The following RYR2 variants were observed in gnomAD, a reference collection of about 807,000 sequenced individuals.
The protein encoded by RYR2 is ryanodine receptor 2.
RYR2 carries 227 observed loss-of-function variants against 601.1 expected under a neutral mutation model. The observed-to-expected ratio is 0.38, with a 90% CI of 0.34 to 0.42. RYR2 has a LOEUF of 0.42. Ranked by LOEUF, RYR2 falls within the 10% of genes least tolerant of loss-of-function variation. The probability of loss-of-function intolerance (pLI) is 1.00; values close to 1 mark genes in which losing one functional copy is unlikely to be tolerated. For synonymous variants in RYR2, 2,223 were observed against 2,175.1 expected (o/e 1.02, Z -0.61); for missense variants, 4,646 against 6,156.5 (o/e 0.75, Z 8.21).
In RYR2 at chr1:237,593,558, A is replaced by G. The variant is rs1675472314; in HGVS notation, c.4358A>G (p.Tyr1453Cys). The G allele has an allele frequency of 6.2e-7, 1 of 1,613,864 alleles. No individual in the cohort carries two copies. The highest frequency in any genetic ancestry group is 1.3e-5 in the African/African-American group (1 of 74,948). Residue 1453 changes from tyrosine to cysteine, a missense_variant, in exon 33 of 105, where the codon TAT becomes TGT. By Grantham distance (194) the Tyr-to-Cys change is radical (BLOSUM62 -2). Transcript: ENST00000366574. ...VGWITSDFHQ[Y>C]DTGFDLDRVR... ...TGGATTACATCAGATTTCCATCAGT[A>G]TGACACAGGCTTTGACTTGGACAGA...
intron 1 of RYR2, among the ~76,000 whole-genome samples, chr1:237,203,061 C>A (rs1162056254): frequency 6.6e-6 from 1 of 152,130 alleles, no homozygotes; most frequent in African/African-American, 2.4e-5. Flanking sequence ...GCGGATGGAG[C>A]CTGAACCCAC....
intron 2 of RYR2, among the ~76,000 whole-genome samples, chr1:237,312,700 A>T (rs1278682968): frequency 6.6e-6 from 1 of 152,212 alleles, no homozygotes. Flanking sequence ...TTTCCTAATC[A>T]AATAAAGAGC....
chr1:237,453,164 A>G (rs1373288878), intron 14 of RYR2, among the ~76,000 whole-genome samples: 1 of 152,046 alleles, frequency 6.6e-6, no homozygotes, highest in Non-Finnish European at 1.5e-5. Context: ...GGGAAAAATA[A>G]TTTTCTACTG....
intron 17 of RYR2, among the ~76,000 whole-genome samples, chr1:237,489,475 G>T (rs1056525735): frequency 2.0e-5 from 3 of 152,132 alleles, no homozygotes; most frequent in African/African-American, 4.8e-5. Context: ...TGGCCAACAT[G>T]GTGAAACCCC....
At chr1:237,604,068 G>A (rs187412254) in intron 35 of RYR2, among the ~76,000 whole-genome samples, 70 of 152,086 alleles carry the variant, frequency 4.6e-4, no homozygotes, top group Middle Eastern at 3.4e-3. Context: ...TGCACCAAGC[G>A]GACCTAATAG....
chr1:237,572,569 C>G (rs1672812859), intron 29 of RYR2, among the ~76,000 whole-genome samples: 1 of 152,140 alleles, frequency 6.6e-6, no homozygotes, highest in African/African-American at 2.4e-5. Context: ...AATTTAAAAA[C>G]TGACTTGAAC....
Position 237,718,629 on chromosome 1 carries a change from A to C in RYR2, c.10554+108A>C, listed in dbSNP as rs896109503. ...TACTTTAAACATTAAGGTAATAGAC[A>C]TATTTTAATTAGTCATTATCCTACT... is the stretch of plus-strand genomic sequence containing the variant. On this transcript the variant is annotated intron_variant, in intron 73 of 104. Transcript: ENST00000366574. 3.0e-5 allele frequency: 15 copies of C among 494,350 alleles called. No homozygotes were observed. The Middle Eastern group carries it at 2.1e-3, about 70-fold the overall frequency. 30.6% of individuals were successfully genotyped at this position (494,350 alleles called of 1,614,324 possible). A position where few individuals can be genotyped will look rare whatever the true frequency, so the allele number is the denominator to read the frequency against.
At chr1:237,592,583 A>G (rs1296458459) in intron 32 of RYR2, among the ~76,000 whole-genome samples, 1 of 151,406 alleles carries the variant, frequency 6.6e-6, no homozygotes, top group Non-Finnish European at 1.5e-5. Flanking sequence ...CAGTGAGCCG[A>G]CACGGTGTCA....
At chr1:237,092,225 T>G (rs1288528807) in intron 1 of RYR2, among the ~76,000 whole-genome samples, 1 of 152,176 alleles carries the variant, frequency 6.6e-6, no homozygotes, top group Non-Finnish European at 1.5e-5. Flanking sequence ...TGTTACCTGG[T>G]GTGCCGTGTA....
chr1:237,343,735 A>G (rs1236650508), intron 3 of RYR2, among the ~76,000 whole-genome samples: 1 of 152,184 alleles, frequency 6.6e-6, no homozygotes, highest in African/African-American at 2.4e-5. Context: ...CTAAAGCTCC[A>G]GCATGGATTT....
At position 237,270,464 on chromosome 1, in the gene RYR2, C is replaced by T. The variant is rs1689566187; in HGVS notation, c.49-33C>T. The T allele has an allele frequency of 9.0e-6, 14 of 1,555,522 alleles. No individual in the cohort carries two copies. The East Asian group carries it at 3.4e-4, about 38-fold the overall frequency. On this transcript the variant is annotated intron_variant, in intron 1 of 104. Transcript: ENST00000366574. ...GACTGTGCAGTCATGTCACGTCTCA[C>T]TTATTTTTCCCTCTCTTTCTCCCCC...
chr1:237,306,831 T>TGA lies in RYR2; in HGVS notation c.169-24047_169-24046insGA, dbSNP rs1365267011. On this transcript the variant is annotated intron_variant, in intron 2 of 104. Coordinates refer to ENST00000366574, the MANE Select transcript of RYR2 (RefSeq NM_001035.3). ...AGATAACCTAACAAGAATTAGTCCTTTTAATGGTAGAATCAAGCCTTATTT... is the reference window on the plus strand; with the variant it reads ...AGATAACCTAACAAGAATTAGTCCTTGATTAATGGTAGAATCAAGCCTTATTT... 3.3e-5 allele frequency among the ~76,000 whole-genome samples: 5 copies of TGA among 152,212 alleles called. 1 individual carries two copies. Among genetic ancestry groups the TGA allele is most frequent in the Admixed American group, 2.0e-4 (3 of 15,282 alleles).
intron 37 of RYR2, among the ~76,000 whole-genome samples, chr1:237,616,545 T>C (rs1016546328): frequency 7.2e-5 from 11 of 152,228 alleles, no homozygotes; most frequent in Non-Finnish European, 1.5e-4. Flanking sequence ...CACCTTATTC[T>C]TTCTGCAGTA....
rs1356108036 is a variant in RYR2 at position 237,682,705 on chromosome 1, A to G, written c.9017+2128A>G. 2.6e-5 allele frequency among the ~76,000 whole-genome samples: 4 copies of G among 152,200 alleles called. No individual in the cohort carries two copies. In the East Asian group the frequency reaches 7.7e-4, roughly 29 times the overall value. On this transcript the variant is annotated intron_variant, in intron 62 of 104. Transcript: ENST00000366574. ...CAGACTGAATCCCCATCATTAAATG[A>G]TGCATGACTGTATTTCATCTTCAGT...
intron 10 of RYR2, among the ~76,000 whole-genome samples, chr1:237,402,516 T>C (rs1443629130): frequency 6.6e-6 from 1 of 151,758 alleles, no homozygotes; most frequent in Admixed American, 6.6e-5. Context: ...AACTAAAAAA[T>C]AAATAACTTA....
intron 58 of RYR2, among the ~76,000 whole-genome samples, chr1:237,672,681 T>C (rs1285870232): frequency 1.3e-5 from 2 of 152,184 alleles, no homozygotes; most frequent in Admixed American, 1.3e-4. Flanking sequence ...TTATAAAGTG[T>C]CCTGTTTAAT....
intron 1 of RYR2, among the ~76,000 whole-genome samples, chr1:237,135,703 T>G (rs2148725494): frequency 6.6e-6 from 1 of 152,286 alleles, no homozygotes; most frequent in South Asian, 2.1e-4. Flanking sequence ...CTGTGTGTAT[T>G]TTACAATGAG....
At chr1:237,686,755 C>T (rs1285482931) in intron 62 of RYR2, among the ~76,000 whole-genome samples, 1 of 152,128 alleles carries the variant, frequency 6.6e-6, no homozygotes, top group Non-Finnish European at 1.5e-5. Flanking sequence ...CCATGAAGGA[C>T]TCAAAGACAC....
In RYR2 at chr1:237,833,169, T is replaced by TTTTC. The variant is rs1211328295; in HGVS notation, c.*526_*529dup. The TTTTC allele has an allele frequency of 6.6e-6, 1 of 152,462 alleles. No homozygotes were observed. The highest frequency in any genetic ancestry group is 2.4e-5 in the African/African-American group (1 of 41,410). The allele number at this position is 152,462 out of a possible 1,614,324, so 9.4% of individuals were successfully genotyped here. The stretch of plus-strand genomic sequence containing the variant: ...ATACGTGCATGAAAAAACATCTTTA[T>TTTTC]TTTCTTTATGTCGACCTTTCTTTTC... On this transcript the variant is annotated 3_prime_UTR_variant, in exon 105 of 105. Coordinates refer to ENST00000366574, the MANE Select transcript of RYR2 (RefSeq NM_001035.3).
Sources: gnomAD v4.1 joint callset for allele counts (sites outside exome capture counted in the v4.1 genomes callset) on GRCh38, gnomAD v4.1.1 for gene constraint, MANE v1.5 for transcripts, NCBI Gene and HGNC (gene_info 2026-07-23, HGNC 2026-07-21) for gene names.